The following SCN11A variants were observed in gnomAD, a reference collection of about 807,000 sequenced individuals.
SCN11A encodes sodium voltage-gated channel alpha subunit 11.
Under a neutral mutation model 162.2 loss-of-function variants are expected in SCN11A, and 122 were observed. That is an observed-to-expected ratio of 0.75 (90% CI 0.65 to 0.87). The LOEUF (loss-of-function observed/expected upper bound fraction) is 0.87. SCN11A is among the 40% of genes least tolerant of loss of function. The probability of loss-of-function intolerance (pLI) is 0.00; values close to 1 mark genes in which losing one functional copy is unlikely to be tolerated. For synonymous variants in SCN11A, 758 were observed against 751.5 expected (o/e 1.01, Z -0.14); for missense variants, 2,015 against 2,181.6 (o/e 0.92, Z 1.52).
chr3:38,900,190 A>ATG, intron 16 of SCN11A, 117 bp from the exon 17 acceptor site: 2 of 739,496 alleles, frequency 2.7e-6, no homozygotes, highest in Non-Finnish European at 4.4e-6. Flanking sequence ...TGATTGACAC[A>ATG]CTATACCCTA....
At chr3:38,964,361 T>C (rs1311738119) in intron 2 of SCN11A, among the ~76,000 whole-genome samples, 1 of 152,182 alleles carries the variant, frequency 6.6e-6, no homozygotes, top group African/African-American at 2.4e-5. Context: ...AAAGATGACA[T>C]TGAGCCGCCT....
chr3:38,896,962 G>A lies in SCN11A; in HGVS notation c.2286C>T (p.Phe762=). The A allele has an allele frequency of 6.2e-7, 1 of 1,614,136 alleles. No homozygotes were observed. ...CGATCCATTCCCCGCAGAGGATGCG[G>A]AATACCACTAGGAAGGAGTGCCAGA... is the stretch of plus-strand genomic sequence containing the variant. ...GDFWHSFLVV[F]RILCGEWIEN... is the part of the protein sequence containing the mutation. The change falls in exon 18 of 30, where the codon TTC becomes TTT. Residue 762 remains phenylalanine, a synonymous_variant. Transcript: ENST00000302328.
chr3:38,955,044 A>G (rs962668358), intron 3 of SCN11A, among the ~76,000 whole-genome samples: 17 of 150,792 alleles, frequency 1.1e-4, no homozygotes, highest in Non-Finnish European at 1.0e-4. Context: ...GCTTACACCC[A>G]CTGGGAGGCC....
At chr3:38,857,633 G>T (rs1457009271) in intron 28 of SCN11A, among the ~76,000 whole-genome samples, 1 of 152,034 alleles carries the variant, frequency 6.6e-6, no homozygotes, top group Non-Finnish European at 1.5e-5. Context: ...AACCAAATAA[G>T]AAGCTCGAAG....
At chr3:38,854,661 G>A (rs1165169803) in intron 28 of SCN11A, among the ~76,000 whole-genome samples, 1 of 152,226 alleles carries the variant, frequency 6.6e-6, no homozygotes, top group African/African-American at 2.4e-5. Context: ...GAAAAGCCGT[G>A]AGTTCCCAAA....
chr3:38,866,481 A>G (rs992852792), intron 27 of SCN11A, among the ~76,000 whole-genome samples: 14 of 152,174 alleles, frequency 9.2e-5, no homozygotes, highest in Non-Finnish European at 1.2e-4. Context: ...TGGCCTCCCA[A>G]AGTGCTGGGA....
At chr3:38,879,053 A>C (rs2065266468) in intron 23 of SCN11A, among the ~76,000 whole-genome samples, 1 of 152,186 alleles carries the variant, frequency 6.6e-6, no homozygotes, top group African/African-American at 2.4e-5. Context: ...ACTATGTATC[A>C]GTAAACATAA....
chr3:38,970,550 G>C (rs113557423), intron 2 of SCN11A, among the ~76,000 whole-genome samples: 16 of 152,272 alleles, frequency 1.1e-4, no homozygotes, highest in African/African-American at 3.6e-4. Context: ...TTTTTTGGTT[G>C]AGGCCTGGCC....
At chr3:38,956,252 A>G (rs868398235) in intron 3 of SCN11A, among the ~76,000 whole-genome samples, 1 of 152,194 alleles carries the variant, frequency 6.6e-6, no homozygotes, top group African/African-American at 2.4e-5. Flanking sequence ...CTCAAAAAAA[A>G]AAGCAAAAAC....
intron 6 of SCN11A, 23 bp from the exon 7 acceptor site, chr3:38,945,535 G>A: frequency 6.7e-7 from 1 of 1,491,988 alleles, no homozygotes; most frequent in Non-Finnish European, 9.1e-7. Flanking sequence ...CATTAAGGCA[G>A]ATATGTTGCA....
chr3:39,026,412 C>T (rs567805703), intron 2 of SCN11A, among the ~76,000 whole-genome samples: 94 of 152,262 alleles, frequency 6.2e-4, no homozygotes, highest in Non-Finnish European at 8.8e-4. Context: ...ACAACCTCGC[C>T]GGGTCGTGGG....
At chr3:38,886,312 C>T in intron 19 of SCN11A, 74 bp from the exon 20 acceptor site, 1 of 962,068 alleles carries the variant, frequency 1.0e-6, no homozygotes, top group Non-Finnish European at 1.6e-6. Context: ...AGTTTGAATG[C>T]TATTTGGTTT....
chr3:38,870,856 C>T (rs1312277663), intron 25 of SCN11A, 112 bp from the exon 26 acceptor site: 2 of 812,432 alleles, frequency 2.5e-6, no homozygotes, highest in East Asian at 2.5e-5. Context: ...AAGATGATAC[C>T]CCAACCTTCT....
intron 2 of SCN11A, among the ~76,000 whole-genome samples, chr3:39,024,600 A>G (rs1018659501): frequency 6.6e-6 from 1 of 152,204 alleles, no homozygotes; most frequent in African/African-American, 2.4e-5. Context: ...GCCAGTCATA[A>G]AACCAGAACA....
chr3:38,953,426 A>G (rs143573209), intron 4 of SCN11A, among the ~76,000 whole-genome samples: 17 of 152,306 alleles, frequency 1.1e-4, no homozygotes, highest in African/African-American at 4.1e-4. Flanking sequence ...TTAAAAAAAA[A>G]AAGTCCCTCT....
chr3:38,929,007 CATA>C (rs2066190702), intron 7 of SCN11A, among the ~76,000 whole-genome samples: 1 of 152,100 alleles, frequency 6.6e-6, no homozygotes, highest in South Asian at 2.1e-4. Flanking sequence ...CAGCACTGTT[CATA>C]ATAACAAAGA....
chr3:39,027,273 C>A (rs931745525), intron 2 of SCN11A, among the ~76,000 whole-genome samples: 3 of 152,162 alleles, frequency 2.0e-5, no homozygotes, highest in Non-Finnish European at 4.4e-5. Flanking sequence ...GCTTGCAAAG[C>A]CAGTGGCAAC....
chr3:38,886,719 G>A (rs192956718), intron 19 of SCN11A, among the ~76,000 whole-genome samples: 16 of 151,346 alleles, frequency 1.1e-4, no homozygotes, highest in Admixed American at 6.6e-5. Context: ...AAAATAACTT[G>A]CTATCATGTG....
At chr3:38,938,505 A>T (rs1440408045) in intron 7 of SCN11A, among the ~76,000 whole-genome samples, 1 of 122,196 alleles carries the variant, frequency 8.2e-6, no homozygotes, top group Admixed American at 8.5e-5. Flanking sequence ...AGAAGGAAAA[A>T]TATCATATAT....
Sources: gnomAD v4.1 joint callset for allele counts (sites outside exome capture counted in the v4.1 genomes callset) on GRCh38, gnomAD v4.1.1 for gene constraint, MANE v1.5 for transcripts, NCBI Gene and HGNC (gene_info 2026-07-23, HGNC 2026-07-21) for gene names.